Variants in CACNB2 observed in about 807,000 individuals in gnomAD.
CACNB2 encodes voltage-dependent L-type calcium channel subunit beta-2.
A neutral mutation model predicts 73.3 loss-of-function variants in CACNB2; 42 were observed. That is an observed-to-expected ratio of 0.57 (90% CI 0.45 to 0.74). CACNB2 has a LOEUF of 0.74. Ranked by LOEUF, CACNB2 falls within the 30% of genes least tolerant of loss-of-function variation. CACNB2 has a pLI of 0.00. For missense variants in CACNB2, 940 were observed against 853.0 expected (o/e 1.10, Z -1.27); for synonymous variants, 348 against 310.3 (o/e 1.12, Z -1.28).
intron 2 of CACNB2, among the ~76,000 whole-genome samples, chr10:18,316,158 C>T (rs1437389860): frequency 1.3e-5 from 2 of 152,114 alleles, no homozygotes; most frequent in African/African-American, 2.4e-5. Context: ...TTTACATTTA[C>T]ATTTACATAT....
At chr10:18,490,737 T>C (rs1400546542) in intron 3 of CACNB2, among the ~76,000 whole-genome samples, 1 of 152,126 alleles carries the variant, frequency 6.6e-6, no homozygotes, top group East Asian at 1.9e-4. Flanking sequence ...AAGCTCCTTC[T>C]ACAGGATCCT....
intron 2 of CACNB2, among the ~76,000 whole-genome samples, chr10:18,271,661 C>T (rs547740126): frequency 6.6e-6 from 1 of 152,140 alleles, no homozygotes; most frequent in Non-Finnish European, 1.5e-5. Context: ...GGTAGCCGTT[C>T]TCTGAAGCAG....
intron 2 of CACNB2, among the ~76,000 whole-genome samples, chr10:18,389,902 G>C (rs754862757): frequency 1.3e-5 from 2 of 152,024 alleles, no homozygotes; most frequent in African/African-American, 4.8e-5. Context: ...TGATTTTTTC[G>C]TGAATTTTCT....
At chr10:18,519,638 A>T in intron 9 of CACNB2, 1 of 448,218 alleles carries the variant, frequency 2.2e-6, no homozygotes, top group Non-Finnish European at 4.5e-6. Flanking sequence ...AAACTCCATC[A>T]CCATGTAAAA....
At position 18,532,697 on chromosome 10, in the gene CACNB2, C is replaced by CAAAAAAAAAAAAAAAAAAAAAAAAAAAAA. The variant is rs1187679628; in HGVS notation, c.1055-1375_1055-1374insAAAAAAAAAAAAAAAAAAAAAAAAAAAAA. On this transcript the variant is annotated intron_variant, in intron 10 of 13. Coordinates refer to ENST00000324631, the MANE Select transcript of CACNB2 (RefSeq NM_201596.3). ...GTCTCAAAAAAAAAAAAAAAAAAAA[C>CAAAAAAAAAAAAAAAAAAAAAAAAAAAAA]AAAACAAAAAAACAAACAAACAAAA... Among the ~76,000 whole-genome samples, 2 of 125,112 alleles carry CAAAAAAAAAAAAAAAAAAAAAAAAAAAAA rather than the reference C, an allele frequency of 1.6e-5. 1 individual carries two copies. The highest frequency in any genetic ancestry group is 6.3e-5 in the African/African-American group (2 of 31,572). The allele number at this position is 125,112 out of a possible 152,430, so 82.1% of individuals were successfully genotyped here. A position where few individuals can be genotyped will look rare whatever the true frequency, so the allele number is the denominator to read the frequency against.
At chr10:18,296,034 G>C (rs1315583182) in intron 2 of CACNB2, among the ~76,000 whole-genome samples, 1 of 102,968 alleles carries the variant, frequency 9.7e-6, no homozygotes, top group Non-Finnish European at 1.9e-5. Context: ...TACCCTCCGT[G>C]ATCACTGTAT....
At chr10:18,398,598 G>A (rs1043347528) in intron 2 of CACNB2, among the ~76,000 whole-genome samples, 2 of 151,978 alleles carry the variant, frequency 1.3e-5, no homozygotes, top group Non-Finnish European at 2.9e-5. Context: ...TTTCGCCCAG[G>A]AGGTCAAGGC....
intron 2 of CACNB2, among the ~76,000 whole-genome samples, chr10:18,284,442 C>T (rs2038698561): frequency 6.6e-6 from 1 of 152,158 alleles, no homozygotes; most frequent in African/African-American, 2.4e-5. Context: ...TTTTATTCCA[C>T]TGAAAGGTCA....
intron 3 of CACNB2, among the ~76,000 whole-genome samples, chr10:18,466,834 C>T (rs981858449): frequency 1.3e-5 from 2 of 151,994 alleles, no homozygotes; most frequent in Non-Finnish European, 2.9e-5. Flanking sequence ...TAATAATGTC[C>T]GAATAATGTG....
intron 1 of CACNB2, chr10:18,141,338 G>C: frequency 1.1e-6 from 1 of 877,712 alleles, no homozygotes; most frequent in Non-Finnish European, 1.9e-6. Context: ...CAGGTGGGCA[G>C]GAGGGGAGCG....
At chr10:18,385,940 A>T (rs1289942895) in intron 2 of CACNB2, among the ~76,000 whole-genome samples, 1 of 152,122 alleles carries the variant, frequency 6.6e-6, no homozygotes, top group East Asian at 1.9e-4. Flanking sequence ...AAATATTCTT[A>T]TATATATATC....
At chr10:18,345,269 A>G (rs1365151304) in intron 2 of CACNB2, among the ~76,000 whole-genome samples, 1 of 152,170 alleles carries the variant, frequency 6.6e-6, no homozygotes, top group African/African-American at 2.4e-5. Context: ...TCCAAATTCT[A>G]CCAGTGGACA....
chr10:18,308,333 G>T (rs1275075463), intron 2 of CACNB2, among the ~76,000 whole-genome samples: 1 of 152,000 alleles, frequency 6.6e-6, no homozygotes, highest in Non-Finnish European at 1.5e-5. Flanking sequence ...CACGTTCAGG[G>T]GTACATGTGC....
intron 2 of CACNB2, among the ~76,000 whole-genome samples, chr10:18,259,558 AACAAAC>A (rs1438953372): frequency 1.6e-4 from 21 of 132,296 alleles, no homozygotes; most frequent in East Asian, 6.4e-4. Context: ...AAAAACAAAA[AACAAAC>A]AAAAAAAAAA....
At chr10:18,441,850 G>A (rs1281314667) in intron 3 of CACNB2, among the ~76,000 whole-genome samples, 3 of 152,152 alleles carry the variant, frequency 2.0e-5, no homozygotes, top group East Asian at 1.9e-4. Flanking sequence ...CGAACTCCTG[G>A]ACTCAAGTGG....
At chr10:18,487,454 CT>C (rs1431263489) in intron 3 of CACNB2, among the ~76,000 whole-genome samples, 1 of 152,160 alleles carries the variant, frequency 6.6e-6, no homozygotes, top group African/African-American at 2.4e-5. Context: ...TTATTTCTAG[CT>C]CATATATCAG....
intron 2 of CACNB2, among the ~76,000 whole-genome samples, chr10:18,288,676 T>TATACACACACACACAC (rs1554785394): frequency 9.7e-5 from 14 of 144,312 alleles, no homozygotes; most frequent in African/African-American, 3.7e-4. Flanking sequence ...ATGAGATTTA[T>TATACACACACACACAC]ACACACACAC....
intron 3 of CACNB2, among the ~76,000 whole-genome samples, chr10:18,495,941 G>A (rs1371284096): frequency 3.3e-5 from 5 of 151,800 alleles, no homozygotes; most frequent in Non-Finnish European, 5.9e-5. Flanking sequence ...CACACAAGAA[G>A]CAGGATCCCT....
chr10:18,297,586 T>C (rs1314796080), intron 2 of CACNB2, among the ~76,000 whole-genome samples: 3 of 152,094 alleles, frequency 2.0e-5, no homozygotes, highest in South Asian at 2.1e-4. Flanking sequence ...TCACCATCCA[T>C]AGATAATTAA....
Sources: gnomAD v4.1 joint callset for allele counts (sites outside exome capture counted in the v4.1 genomes callset) on GRCh38, gnomAD v4.1.1 for gene constraint, MANE v1.5 for transcripts, NCBI Gene and HGNC (gene_info 2026-07-23, HGNC 2026-07-21) for gene names.